Variants in ADGRL3 observed in about 807,000 individuals in gnomAD.
ADGRL3 encodes adhesion G protein-coupled receptor L3.
In ADGRL3, 62 loss-of-function variants were observed where a neutral mutation model predicts 153.5. That is an observed-to-expected ratio of 0.40 (90% CI 0.33 to 0.50). The LOEUF is 0.50. ADGRL3 is among the 20% of genes least tolerant of loss of function. The pLI, the probability that ADGRL3 is intolerant of heterozygous loss-of-function variation, is 0.47. For missense variants in ADGRL3, 1,641 were observed against 1,859.4 expected, an observed-to-expected ratio of 0.88 and a Z score of 2.16; for synonymous variants, 710 against 672.5, an observed-to-expected ratio of 1.06 and a Z score of -0.86.
At chr4:61,700,113 G>A (rs1256018527) in intron 6 of ADGRL3, among the ~76,000 whole-genome samples, 1 of 152,044 alleles carries the variant, frequency 6.6e-6, no homozygotes, top group Non-Finnish European at 1.5e-5. Context: ...TCCATAAAAT[G>A]TATACAAATA....
At chr4:61,367,190 T>A (rs369716439) in intron 1 of ADGRL3, among the ~76,000 whole-genome samples, 1 of 152,138 alleles carries the variant, frequency 6.6e-6, no homozygotes, top group African/African-American at 2.4e-5. Flanking sequence ...ATTTGGGATG[T>A]ACAAAAATGA....
chr4:61,389,618 T>G (rs1336510245), intron 2 of ADGRL3, among the ~76,000 whole-genome samples: 1 of 152,030 alleles, frequency 6.6e-6, no homozygotes, highest in Non-Finnish European at 1.5e-5. Flanking sequence ...TAAAAAGAAG[T>G]TTTGGTTTGC....
intron 1 of ADGRL3, among the ~76,000 whole-genome samples, chr4:61,329,525 A>C (rs1382839690): frequency 6.6e-6 from 1 of 152,146 alleles, no homozygotes; most frequent in Non-Finnish European, 1.5e-5. Context: ...ATAGATGCTC[A>C]ATTAAAATAT....
At chr4:61,656,681 A>G (rs562079954) in intron 5 of ADGRL3, among the ~76,000 whole-genome samples, 1 of 152,298 alleles carries the variant, frequency 6.6e-6, no homozygotes, top group South Asian at 2.1e-4. Flanking sequence ...GTTGTATGCT[A>G]CATTCTGAGA....
At chr4:61,370,605 T>C (rs2096502062) in intron 1 of ADGRL3, among the ~76,000 whole-genome samples, 1 of 152,146 alleles carries the variant, frequency 6.6e-6, no homozygotes, top group South Asian at 2.1e-4. Context: ...TAGTTTGTTA[T>C]AATTTCTGTT....
rs201432112 is a variant in ADGRL3, at chr4:61,203,987, T to G, written c.-240+2222T>G. ...AACACAGTTTATAAAGTGTTACTTT[T>G]GCAAGTGAAACTGCTTTTTACTTTC... is the stretch of plus-strand genomic sequence containing the variant. On this transcript the variant is annotated intron_variant, in intron 1 of 26. Transcript: ENST00000683033. Among the ~76,000 whole-genome samples, 47 of 152,328 alleles carry G rather than the reference T, an allele frequency of 3.1e-4. 1 individual carries two copies. The East Asian group carries it at 6.0e-3, about 19-fold the overall frequency.
At chr4:61,520,119 T>C (rs965564317) in intron 4 of ADGRL3, among the ~76,000 whole-genome samples, 8 of 152,180 alleles carry the variant, frequency 5.3e-5, no homozygotes, top group Admixed American at 3.3e-4. Flanking sequence ...TTCATACAAA[T>C]TAGGACATCT....
At chr4:61,451,924 T>C (rs185019699) in intron 2 of ADGRL3, among the ~76,000 whole-genome samples, 170 of 152,340 alleles carry the variant, frequency 1.1e-3, no homozygotes, top group African/African-American at 4.0e-3. Context: ...TTTGCTACAA[T>C]TGACTACATT....
rs544800320 is a variant in ADGRL3, at chr4:61,494,593, T to A, written c.-173-2528T>A. ...ATTGAGAATAGATTTTCAGGTTTTC[T>A]TGTGAGTCAGAGTTGGGTAAGAGAA... is the stretch of plus-strand genomic sequence containing the variant. On this transcript the variant is annotated intron_variant, in intron 2 of 26. Transcript: ENST00000683033. Among the ~76,000 whole-genome samples the A allele has an allele frequency of 9.2e-5, 14 of 152,330 alleles. 1 individual carries two copies. In the South Asian group the frequency reaches 2.3e-3, roughly 25 times the overall value.
At chr4:61,776,307 G>C (rs1360560996) in intron 8 of ADGRL3, among the ~76,000 whole-genome samples, 3 of 152,308 alleles carry the variant, frequency 2.0e-5, no homozygotes, top group African/African-American at 7.2e-5. Flanking sequence ...AAACCTAACA[G>C]TGAGCAAGAA....
chr4:61,669,962 G>C (rs1213615419), intron 5 of ADGRL3, among the ~76,000 whole-genome samples: 1 of 152,132 alleles, frequency 6.6e-6, no homozygotes, highest in Non-Finnish European at 1.5e-5. Context: ...GAACCCCTGT[G>C]AATTACATTC....
rs544086315 is a variant in ADGRL3, at chr4:61,954,437, G to C, written c.2805+6161G>C. On this transcript the variant is annotated intron_variant, in intron 17 of 26. Coordinates refer to ENST00000683033, the MANE Select transcript of ADGRL3 (RefSeq NM_001387552.1). Reference sequence around the variant, plus strand: ...TTTAATTTTCAACATAGTTGCCAGAGGGATACTTTTAAAATGTGAGTTAGA... The same window carrying C: ...TTTAATTTTCAACATAGTTGCCAGACGGATACTTTTAAAATGTGAGTTAGA... Among the ~76,000 whole-genome samples the C allele has an allele frequency of 6.6e-5, 10 of 151,974 alleles. 1 individual carries two copies. The South Asian group carries it at 2.1e-3, about 32-fold the overall frequency.
At chr4:61,775,308 G>A in intron 8 of ADGRL3, 1 of 299,936 alleles carries the variant, frequency 3.3e-6, no homozygotes, top group Non-Finnish European at 6.4e-6. Flanking sequence ...AGCTGATAAT[G>A]TTCTAGAGTT....
intron 8 of ADGRL3, among the ~76,000 whole-genome samples, chr4:61,767,050 T>C (rs1393340162): frequency 6.6e-6 from 1 of 151,736 alleles, no homozygotes; most frequent in Non-Finnish European, 1.5e-5. Flanking sequence ...GATATTGGCG[T>C]TGAGTGGGGT....
At chr4:61,713,214 G>A (rs1361178564) in intron 6 of ADGRL3, among the ~76,000 whole-genome samples, 1 of 152,020 alleles carries the variant, frequency 6.6e-6, no homozygotes, top group Admixed American at 6.6e-5. Context: ...GATATCTTGT[G>A]CTCATTTCCT....
intron 1 of ADGRL3, among the ~76,000 whole-genome samples, chr4:61,230,932 A>G (rs191790574): frequency 6.4e-4 from 97 of 152,330 alleles, no homozygotes; most frequent in African/African-American, 2.3e-3. Context: ...TGGCTTGGCC[A>G]CAGTTTGTCA....
intron 1 of ADGRL3, among the ~76,000 whole-genome samples, chr4:61,263,997 G>A (rs551853205): frequency 4.7e-4 from 72 of 151,664 alleles, no homozygotes; most frequent in Non-Finnish European, 8.1e-4. Flanking sequence ...TTATCTGTGT[G>A]GTGTCTGCAT....
chr4:61,643,172 C>T (rs1210662375), intron 5 of ADGRL3, among the ~76,000 whole-genome samples: 4 of 152,104 alleles, frequency 2.6e-5, no homozygotes, highest in African/African-American at 9.7e-5. Context: ...TGCTTATCAG[C>T]TTAAGGAGAT....
intron 4 of ADGRL3, among the ~76,000 whole-genome samples, chr4:61,553,327 AT>A (rs1368918564): frequency 2.0e-5 from 3 of 152,218 alleles, no homozygotes; most frequent in East Asian, 3.9e-4. Flanking sequence ...GAGATAAAAA[AT>A]AATCATAATA....
Sources: gnomAD v4.1 joint callset for allele counts (sites outside exome capture counted in the v4.1 genomes callset) on GRCh38, gnomAD v4.1.1 for gene constraint, MANE v1.5 for transcripts, NCBI Gene and HGNC (gene_info 2026-07-23, HGNC 2026-07-21) for gene names.